Variants in CDKAL1 observed in about 807,000 individuals in gnomAD.
CDKAL1 encodes threonylcarbamoyladenosine tRNA methylthiotransferase.
A neutral mutation model predicts 68.2 loss-of-function variants in CDKAL1; 32 were observed. The observed-to-expected ratio is 0.47, with a 90% CI of 0.35 to 0.63. CDKAL1 has a LOEUF of 0.63. Ranked by LOEUF, CDKAL1 falls within the 30% of genes least tolerant of loss-of-function variation. The probability of loss-of-function intolerance (pLI) is 0.00; values close to 1 mark genes in which losing one functional copy is unlikely to be tolerated. For synonymous variants in CDKAL1, 234 were observed against 244.3 expected (o/e 0.96, Z 0.39); for missense variants, 606 against 696.7 (o/e 0.87, Z 1.47).
chr6:20,620,255 TG>T (rs1312322923), intron 4 of CDKAL1, among the ~76,000 whole-genome samples: 1 of 152,204 alleles, frequency 6.6e-6, no homozygotes, highest in African/African-American at 2.4e-5. Context: ...AACCAAACAA[TG>T]TATATTTAAC....
intron 13 of CDKAL1, among the ~76,000 whole-genome samples, chr6:21,173,342 C>T (rs1777465283): frequency 6.6e-6 from 1 of 152,000 alleles, no homozygotes; most frequent in Non-Finnish European, 1.5e-5. Flanking sequence ...ATGGTCTGAT[C>T]TTTTCTATTT....
intron 9 of CDKAL1, among the ~76,000 whole-genome samples, chr6:20,925,623 G>GT (rs1313919805): frequency 6.6e-6 from 1 of 152,046 alleles, no homozygotes; most frequent in East Asian, 1.9e-4. Flanking sequence ...GCATTTTATT[G>GT]TTTTTTCCTT....
At chr6:21,071,898 C>T (rs1461805663) in intron 12 of CDKAL1, among the ~76,000 whole-genome samples, 2 of 152,092 alleles carry the variant, frequency 1.3e-5, no homozygotes. Context: ...AAGTGACTCT[C>T]GGGAGAAAGA....
intron 13 of CDKAL1, among the ~76,000 whole-genome samples, chr6:21,140,613 A>G (rs1473297462): frequency 6.6e-6 from 1 of 152,186 alleles, no homozygotes; most frequent in Non-Finnish European, 1.5e-5. Context: ...GGTCGTTGCT[A>G]GTGGTGCTAC....
intron 8 of CDKAL1, 51 bp downstream of exon 8, chr6:20,781,316 T>A (rs1775420715): frequency 6.6e-7 from 1 of 1,507,974 alleles, no homozygotes; most frequent in Non-Finnish European, 8.9e-7. Context: ...TTTCATGAAT[T>A]CAGTTTTTTT....
At chr6:20,649,538 A>G (rs2127760596) in intron 5 of CDKAL1, among the ~76,000 whole-genome samples, 161 bp downstream of exon 5, 1 of 152,176 alleles carries the variant, frequency 6.6e-6, no homozygotes, top group Admixed American at 6.5e-5. Context: ...CTGATACAGA[A>G]TGATGCTTTT....
chr6:20,626,879 C>G (rs978239847), intron 4 of CDKAL1, among the ~76,000 whole-genome samples: 13 of 152,130 alleles, frequency 8.5e-5, no homozygotes, highest in Non-Finnish European at 1.9e-4. Flanking sequence ...CAACAGTCTT[C>G]CCCTTAAGTC....
At position 20,842,193 on chromosome 6, in the gene CDKAL1, T is replaced by G. The variant is rs776542562; in HGVS notation, c.639-3882T>G. 5.4e-4 allele frequency among the ~76,000 whole-genome samples: 82 copies of G among 152,320 alleles called. 1 individual carries two copies. The highest frequency in any genetic ancestry group is 3.4e-3 in the Middle Eastern group (1 of 294). Reference sequence around the variant, plus strand: ...TAATTCTTGGTGATTAGAAAAACTGTTTTTCAACCAAATAGCATCAAAATG... The same window carrying G: ...TAATTCTTGGTGATTAGAAAAACTGGTTTTCAACCAAATAGCATCAAAATG... On this transcript the variant is annotated intron_variant, in intron 8 of 15. Coordinates refer to ENST00000274695, the MANE Select transcript of CDKAL1 (RefSeq NM_017774.3).
intron 4 of CDKAL1, among the ~76,000 whole-genome samples, chr6:20,646,935 G>A (rs1768495308): frequency 6.6e-6 from 1 of 152,020 alleles, no homozygotes; most frequent in Admixed American, 6.6e-5. Flanking sequence ...AGTAGAGATG[G>A]GGTTTCATCA....
chr6:20,636,816 CA>C, intron 4 of CDKAL1, among the ~76,000 whole-genome samples: 1 of 152,224 alleles, frequency 6.6e-6, no homozygotes, highest in Middle Eastern at 3.4e-3. Flanking sequence ...GCGGGTGGAT[CA>C]TCTGAGGTCA....
chr6:21,129,267 A>T (rs780488458), intron 13 of CDKAL1, among the ~76,000 whole-genome samples: 1 of 152,222 alleles, frequency 6.6e-6, no homozygotes, highest in Non-Finnish European at 1.5e-5. Context: ...TAAAGAAAGC[A>T]TGTGATTGAA....
intron 13 of CDKAL1, among the ~76,000 whole-genome samples, chr6:21,182,757 G>C (rs71563985): frequency 6.6e-6 from 1 of 152,146 alleles, no homozygotes; most frequent in Admixed American, 6.5e-5. Flanking sequence ...ATTAAGAAAG[G>C]CATATCCTAT....
chr6:21,104,800 T>C (rs1043802695), intron 12 of CDKAL1, among the ~76,000 whole-genome samples: 2 of 152,256 alleles, frequency 1.3e-5, no homozygotes, highest in Admixed American at 1.3e-4. Context: ...CTCCATTTCT[T>C]TCCCAAAATC....
intron 12 of CDKAL1, among the ~76,000 whole-genome samples, chr6:21,068,869 T>C (rs1562004839): frequency 1.3e-5 from 2 of 152,146 alleles, no homozygotes; most frequent in Non-Finnish European, 2.9e-5. Flanking sequence ...ATTTTGATCT[T>C]CTCTAATTTC....
At chr6:20,911,894 C>A (rs1434560776) in intron 9 of CDKAL1, among the ~76,000 whole-genome samples, 1 of 152,184 alleles carries the variant, frequency 6.6e-6, no homozygotes, top group Non-Finnish European at 1.5e-5. Flanking sequence ...GAGGTGATTT[C>A]TGGACTGCAG....
intron 5 of CDKAL1, among the ~76,000 whole-genome samples, chr6:20,696,570 C>T (rs1581400808): frequency 6.6e-6 from 1 of 152,052 alleles, no homozygotes; most frequent in Non-Finnish European, 1.5e-5. Flanking sequence ...GGATTTGCAA[C>T]AAACAACAAC....
chr6:21,160,656 C>CACACACACGT (rs1554189726), intron 13 of CDKAL1, among the ~76,000 whole-genome samples: 3 of 127,988 alleles, frequency 2.3e-5, no homozygotes, highest in African/African-American at 8.6e-5. Context: ...CACACACACA[C>CACACACACGT]GTGTGTGTGT....
At chr6:21,083,553 T>C (rs1772527134) in intron 12 of CDKAL1, among the ~76,000 whole-genome samples, 1 of 152,210 alleles carries the variant, frequency 6.6e-6, no homozygotes, top group Non-Finnish European at 1.5e-5. Context: ...GTATATTTCC[T>C]AAGAATGAGT....
chr6:20,774,594 G>A (rs1165827021), intron 7 of CDKAL1, among the ~76,000 whole-genome samples: 6 of 152,108 alleles, frequency 3.9e-5, no homozygotes, highest in Non-Finnish European at 8.8e-5. Context: ...CCTGAAGATC[G>A]ATAGACAGCA....
Sources: allele counts gnomAD v4.1 joint callset (sites outside exome capture counted in the v4.1 genomes callset), GRCh38; gene constraint gnomAD v4.1.1; transcripts MANE v1.5; gene names NCBI Gene and HGNC (gene_info 2026-07-23, HGNC 2026-07-21).